Variants in RAPGEF4 observed in about 807,000 individuals in gnomAD.
The protein encoded by RAPGEF4 is RAP guanine-nucleotide-exchange factor (GEF) 4.
Under a neutral mutation model 147.9 loss-of-function variants are expected in RAPGEF4, and 66 were observed. The observed-to-expected ratio is 0.45, with a 90% CI of 0.37 to 0.55. RAPGEF4 has a LOEUF of 0.55. RAPGEF4 is among the 20% of genes least tolerant of loss of function. The pLI is 0.00. For synonymous variants in RAPGEF4, 419 were observed against 442.7 expected, an observed-to-expected ratio of 0.95 and a Z score of 0.67; for missense variants, 1,071 against 1,257.3, an observed-to-expected ratio of 0.85 and a Z score of 2.24.
At chr2:172,742,655 T>C (rs1309332961) in intron 1 of RAPGEF4, among the ~76,000 whole-genome samples, 2 of 152,218 alleles carry the variant, frequency 1.3e-5, no homozygotes, top group Non-Finnish European at 2.9e-5. Context: ...CTCAAATACA[T>C]GGGAGCACAT....
intron 10 of RAPGEF4, among the ~76,000 whole-genome samples, chr2:172,971,257 A>G (rs73977742): frequency 1.0e-3 from 154 of 152,324 alleles, no homozygotes; most frequent in African/African-American, 3.4e-3. Context: ...CAAGCCTTCC[A>G]ACCACTCCTT....
intron 4 of RAPGEF4, among the ~76,000 whole-genome samples, chr2:172,850,755 A>G (rs1294580870): frequency 2.0e-5 from 3 of 152,228 alleles, no homozygotes; most frequent in African/African-American, 4.8e-5. Context: ...ACATTTTTCT[A>G]TGGACACATC....
chr2:172,988,861 G>T, intron 14 of RAPGEF4, 22 bp downstream of exon 14: 1 of 1,609,112 alleles, frequency 6.2e-7, no homozygotes, highest in Non-Finnish European at 8.5e-7. Context: ...GCAAAGTGTG[G>T]CTGAGAGACA....
At chr2:173,026,227 C>G (rs573866933) in intron 23 of RAPGEF4, among the ~76,000 whole-genome samples, 1 of 152,294 alleles carries the variant, frequency 6.6e-6, no homozygotes, top group Admixed American at 6.5e-5. Context: ...AAAAAGGTCT[C>G]CCAGGACTTC....
intron 6 of RAPGEF4, chr2:172,928,110 C>G: frequency 2.3e-6 from 1 of 435,318 alleles, no homozygotes; most frequent in Non-Finnish European, 4.6e-6. Flanking sequence ...AAGCGTAACC[C>G]CCGAGCCAGG....
At chr2:172,782,203 A>G (rs1320209514) in intron 1 of RAPGEF4, among the ~76,000 whole-genome samples, 2 of 152,222 alleles carry the variant, frequency 1.3e-5, no homozygotes, top group African/African-American at 4.8e-5. Flanking sequence ...AGAGCTTCCT[A>G]ACCAGCTGAT....
chr2:172,904,497 A>G lies in RAPGEF4; in HGVS notation c.445-13305A>G, dbSNP rs557762706. 2.0e-5 allele frequency among the ~76,000 whole-genome samples: 3 copies of G among 152,298 alleles called. No individual in the cohort carries two copies. In the South Asian group the frequency reaches 6.2e-4, roughly 32 times the overall value. On this transcript the variant is annotated intron_variant, in intron 4 of 30. Transcript: ENST00000397081. ...ACTTGAGCTTCTGTAAGAGAAGCTTATGGTTGATTAATTACTCAAATATAC... is the reference window on the plus strand; with the variant it reads ...ACTTGAGCTTCTGTAAGAGAAGCTTGTGGTTGATTAATTACTCAAATATAC...
rs1202045652 is a variant in RAPGEF4, at chr2:172,962,007, C to CAGAGAT, written c.698+781_698+786dup. ...AGTTGTCACTGGAGTTAAGAAATGACAGAGATAAAGGCAGAGATTTCATGG... is the reference window on the plus strand; with the variant it reads ...AGTTGTCACTGGAGTTAAGAAATGACAGAGATAGAGATAAAGGCAGAGATTTCATGG... On this transcript the variant is annotated intron_variant, in intron 8 of 30. Transcript: ENST00000397081. 2.0e-5 allele frequency among the ~76,000 whole-genome samples: 3 copies of CAGAGAT among 152,100 alleles called. No homozygotes were observed. The East Asian group carries it at 5.8e-4, about 29-fold the overall frequency.
At chr2:172,737,610 A>C (rs1491000238) in intron 1 of RAPGEF4, among the ~76,000 whole-genome samples, 1 of 152,102 alleles carries the variant, frequency 6.6e-6, no homozygotes, top group East Asian at 1.9e-4. Flanking sequence ...CTCTCTTTTC[A>C]TAATGTGTAT....
At chr2:172,932,668 A>G (rs1686114315) in intron 6 of RAPGEF4, among the ~76,000 whole-genome samples, 1 of 152,216 alleles carries the variant, frequency 6.6e-6, no homozygotes, top group Non-Finnish European at 1.5e-5. Context: ...CTCAAACACA[A>G]CAGCATCTTA....
chr2:172,925,595 C>T (rs1685206202), intron 6 of RAPGEF4, among the ~76,000 whole-genome samples: 1 of 151,332 alleles, frequency 6.6e-6, no homozygotes, highest in Non-Finnish European at 1.5e-5. Context: ...TGTACACACA[C>T]ACACACACAC....
intron 6 of RAPGEF4, among the ~76,000 whole-genome samples, chr2:172,939,952 T>A (rs895319121): frequency 1.1e-4 from 17 of 152,188 alleles, no homozygotes; most frequent in African/African-American, 4.1e-4. Flanking sequence ...GTGGGTCTAT[T>A]TTTGGACTTC....
intron 1 of RAPGEF4, among the ~76,000 whole-genome samples, chr2:172,747,073 AAC>A (rs1227517945): frequency 6.6e-6 from 1 of 152,218 alleles, no homozygotes; most frequent in African/African-American, 2.4e-5. Flanking sequence ...ACAACTTAGT[AAC>A]TTGATTCTTG....
rs893612269 is a variant in RAPGEF4 at position 173,033,709 on chromosome 2, G to A, written c.2650-205G>A. 4.6e-5 allele frequency among the ~76,000 whole-genome samples: 7 copies of A among 152,292 alleles called. 1 individual carries two copies. In the South Asian group the frequency reaches 1.5e-3, roughly 32 times the overall value. On this transcript the variant is annotated intron_variant, in intron 26 of 30. Transcript: ENST00000397081. ...AGCATTCATAGTTACTTTTGGTTCA[G>A]TTAGGTTAAAGACGTTTAAAAGGCA...
intron 3 of RAPGEF4, among the ~76,000 whole-genome samples, chr2:172,799,058 C>T (rs989343471): frequency 5.9e-5 from 9 of 152,088 alleles, no homozygotes; most frequent in East Asian, 1.9e-4. Flanking sequence ...TTCTTGTAAG[C>T]GGCCTCAGTT....
chr2:172,873,907 C>A (rs746948761), intron 4 of RAPGEF4, among the ~76,000 whole-genome samples: 1 of 152,172 alleles, frequency 6.6e-6, no homozygotes, highest in Non-Finnish European at 1.5e-5. Context: ...AGGCACTTCT[C>A]AAAAGAAGAC....
At chr2:172,865,423 G>A (rs752405157) in intron 4 of RAPGEF4, among the ~76,000 whole-genome samples, 2 of 152,216 alleles carry the variant, frequency 1.3e-5, no homozygotes, top group Admixed American at 1.3e-4. Flanking sequence ...CTAACTCCAG[G>A]AAGCCTTGGA....
chr2:172,942,304 T>C (rs1687239603), intron 6 of RAPGEF4, among the ~76,000 whole-genome samples: 1 of 151,426 alleles, frequency 6.6e-6, no homozygotes, highest in Non-Finnish European at 1.5e-5. Flanking sequence ...CAAAAACTTC[T>C]GGTAATATAT....
chr2:173,029,735 T>C (rs1198282418), intron 25 of RAPGEF4, among the ~76,000 whole-genome samples: 1 of 152,252 alleles, frequency 6.6e-6, no homozygotes, highest in Non-Finnish European at 1.5e-5. Flanking sequence ...TGGCTGCAGC[T>C]GTGAGACTCC....
Sources: gnomAD v4.1 joint callset for allele counts (sites outside exome capture counted in the v4.1 genomes callset) on GRCh38, gnomAD v4.1.1 for gene constraint, MANE v1.5 for transcripts, NCBI Gene and HGNC (gene_info 2026-07-23, HGNC 2026-07-21) for gene names.